The following SMIM14 variants were observed in gnomAD, a reference collection of about 807,000 sequenced individuals.
The protein encoded by SMIM14 is chromosome 4 open reading frame 34.
Under a neutral mutation model 12.6 loss-of-function variants are expected in SMIM14, and 5 were observed. The ratio of observed to expected loss-of-function variants is 0.40; its 90% confidence interval spans 0.21 to 0.83. The LOEUF (loss-of-function observed/expected upper bound fraction) is 0.83. SMIM14 is among the 40% of genes least tolerant of loss of function. The pLI is 0.37. For synonymous variants in SMIM14, 30 were observed against 40.1 expected, an observed-to-expected ratio of 0.75 and a Z score of 0.95; for missense variants, 86 against 119.1, an observed-to-expected ratio of 0.72 and a Z score of 1.29.
intron 1 of SMIM14, among the ~76,000 whole-genome samples, chr4:39,633,443 C>A (rs940150202): frequency 6.6e-6 from 1 of 151,906 alleles, no homozygotes; most frequent in Non-Finnish European, 1.5e-5. Flanking sequence ...ACATTCATGC[C>A]CAATATTAAA....
intron 2 of SMIM14, among the ~76,000 whole-genome samples, chr4:39,580,568 C>A (rs534104600): frequency 1.4e-4 from 21 of 151,702 alleles, no homozygotes; most frequent in Non-Finnish European, 2.8e-4. Context: ...GTCACCCAGG[C>A]GAGGCTGGAG....
chr4:39,577,451 G>A (rs1161492654), intron 2 of SMIM14, among the ~76,000 whole-genome samples: 8 of 148,564 alleles, frequency 5.4e-5, no homozygotes, highest in African/African-American at 2.0e-4. Flanking sequence ...TTTTTGAGAC[G>A]GAGTCTGACT....
At position 39,632,435 on chromosome 4, in the gene SMIM14, G is replaced by A. The variant is rs182160554; in HGVS notation, c.-36+6304C>T. ...GCAGAGGTTGCAGTGAGCAGAGATC[G>A]GGCCACTGCACTCCAGCCTACTGAC... On this transcript the variant is annotated intron_variant, in intron 1 of 4. Coordinates refer to ENST00000295958, the MANE Select transcript of SMIM14 (RefSeq NM_174921.3). Among the ~76,000 whole-genome samples, 995 of 144,780 alleles carry A rather than the reference G, an allele frequency of 6.9e-3. 5 individuals carry two copies. Among genetic ancestry groups the A allele is most frequent in the Non-Finnish European group, 9.1e-3 (615 of 67,228 alleles). The allele number at this position is 144,780 out of a possible 152,430, so 95.0% of individuals were successfully genotyped here.
At chr4:39,623,036 T>C (rs1715563396) in intron 1 of SMIM14, among the ~76,000 whole-genome samples, 1 of 152,164 alleles carries the variant, frequency 6.6e-6, no homozygotes, top group Non-Finnish European at 1.5e-5. Flanking sequence ...TAAAAGGACA[T>C]TTATGAACTA....
chr4:39,610,561 G>A (rs962163114), intron 1 of SMIM14, among the ~76,000 whole-genome samples: 27 of 151,774 alleles, frequency 1.8e-4, no homozygotes, highest in African/African-American at 5.8e-4. Context: ...TGGGTGTGGT[G>A]GCGTGTACCT....
At chr4:39,622,169 C>T (rs1371167731) in intron 1 of SMIM14, among the ~76,000 whole-genome samples, 5 of 151,136 alleles carry the variant, frequency 3.3e-5, no homozygotes, top group African/African-American at 7.3e-5. Flanking sequence ...CTGCAAGCTC[C>T]GCCTCCCGGG....
chr4:39,556,100 C>T (rs527747756), intron 4 of SMIM14, among the ~76,000 whole-genome samples: 1 of 150,876 alleles, frequency 6.6e-6, no homozygotes, highest in Non-Finnish European at 1.5e-5. Flanking sequence ...GAGGTGGAGG[C>T]TTCAGTGAGC....
chr4:39,604,076 G>A (rs187928636), intron 2 of SMIM14, among the ~76,000 whole-genome samples: 7 of 151,978 alleles, frequency 4.6e-5, no homozygotes, highest in African/African-American at 1.7e-4. Flanking sequence ...GTTGGTGTAG[G>A]ATATGAACTA....
At chr4:39,586,998 C>G (rs761887642) in intron 2 of SMIM14, among the ~76,000 whole-genome samples, 27 of 151,866 alleles carry the variant, frequency 1.8e-4, no homozygotes, top group Non-Finnish European at 3.5e-4. Context: ...GGCACTAATC[C>G]TATCACAAGG....
chr4:39,578,647 T>A (rs1713327832), intron 2 of SMIM14, among the ~76,000 whole-genome samples: 1 of 152,134 alleles, frequency 6.6e-6, no homozygotes, highest in Non-Finnish European at 1.5e-5. Flanking sequence ...GAGTTCGATC[T>A]CCCCATCTAA....
intron 1 of SMIM14, among the ~76,000 whole-genome samples, chr4:39,623,841 G>A (rs1394265100): frequency 1.3e-5 from 2 of 152,042 alleles, no homozygotes; most frequent in East Asian, 3.8e-4. Context: ...CAGCTTGGGT[G>A]ACAGAGCAAG....
At chr4:39,573,603 T>C (rs1487552308) in intron 2 of SMIM14, among the ~76,000 whole-genome samples, 1 of 152,148 alleles carries the variant, frequency 6.6e-6, no homozygotes, top group Non-Finnish European at 1.5e-5. Context: ...AATATATAAT[T>C]AGGCATCCCA....
At chr4:39,625,589 C>A (rs970299038) in intron 1 of SMIM14, among the ~76,000 whole-genome samples, 1 of 152,114 alleles carries the variant, frequency 6.6e-6, no homozygotes, top group Non-Finnish European at 1.5e-5. Context: ...TACAGGCACG[C>A]GCCACCACAT....
chr4:39,606,228 C>G (rs1002526190), intron 1 of SMIM14, among the ~76,000 whole-genome samples: 1 of 151,920 alleles, frequency 6.6e-6, no homozygotes, highest in Non-Finnish European at 1.5e-5. Flanking sequence ...AACCTGTGGT[C>G]CCAGCTACTC....
intron 1 of SMIM14, among the ~76,000 whole-genome samples, chr4:39,637,821 C>T (rs1716156723): frequency 6.6e-6 from 1 of 152,214 alleles, no homozygotes; most frequent in Admixed American, 6.5e-5. Context: ...AGGTCTTACG[C>T]TTTCCAAGTT....
At chr4:39,597,536 G>A (rs1435826465) in intron 2 of SMIM14, among the ~76,000 whole-genome samples, 2 of 148,146 alleles carry the variant, frequency 1.4e-5, no homozygotes, top group African/African-American at 2.5e-5. Flanking sequence ...CTCTGCCTCC[G>A]GGGTTCAAGT....
chr4:39,619,621 T>TAATTTATTCTATATATCAATA lies in SMIM14; in HGVS notation c.-35-14462_-35-14442dup, dbSNP rs1267358472. 1.4e-3 allele frequency among the ~76,000 whole-genome samples: 121 copies of TAATTTATTCTATATATCAATA among 88,098 alleles called. 14 individuals carry two copies. Among genetic ancestry groups the TAATTTATTCTATATATCAATA allele is most frequent in the African/African-American group, 6.9e-3 (111 of 16,136 alleles). 57.8% of individuals were successfully genotyped at this position (88,098 alleles called of 152,430 possible). On this transcript the variant is annotated intron_variant, in intron 1 of 4. Transcript: ENST00000295958. ...AATTTATTCTATATATCAATAAATA[T>TAATTTATTCTATATATCAATA]AATTTATTCTATATATCAATAAATA...
At chr4:39,599,893 G>C (rs900255443) in intron 2 of SMIM14, among the ~76,000 whole-genome samples, 1 of 145,678 alleles carries the variant, frequency 6.9e-6, no homozygotes, top group Non-Finnish European at 1.5e-5. Context: ...CTGCACTCCA[G>C]CCTGAACAAC....
At chr4:39,581,833 G>A (rs1713514045) in intron 2 of SMIM14, among the ~76,000 whole-genome samples, 1 of 150,990 alleles carries the variant, frequency 6.6e-6, no homozygotes, top group East Asian at 1.9e-4. Flanking sequence ...AAAGTGCTGG[G>A]ATTACAGGCG....
Sources: gnomAD v4.1 joint callset for allele counts (sites outside exome capture counted in the v4.1 genomes callset) on GRCh38, gnomAD v4.1.1 for gene constraint, MANE v1.5 for transcripts, NCBI Gene and HGNC (gene_info 2026-07-23, HGNC 2026-07-21) for gene names.